Variants in KDM2B observed in about 807,000 individuals in gnomAD.
The protein encoded by KDM2B is lysine demethylase 2B.
Under a neutral mutation model 150.0 loss-of-function variants are expected in KDM2B, and 26 were observed. The ratio of observed to expected loss-of-function variants is 0.17; its 90% CI spans 0.13 to 0.24. KDM2B has a LOEUF of 0.24. KDM2B is among the 10% of genes least tolerant of loss of function. KDM2B has a pLI of 1.00. For missense variants in KDM2B, 1,265 were observed against 1,816.9 expected (o/e 0.70, Z 5.52); for synonymous variants, 734 against 729.5 (o/e 1.01, Z -0.10).
At chr12:121,451,878 C>T (rs1184635339) in intron 13 of KDM2B, among the ~76,000 whole-genome samples, 1 of 151,754 alleles carries the variant, frequency 6.6e-6, no homozygotes, top group Non-Finnish European at 1.5e-5. Flanking sequence ...CACTGCTGCA[C>T]TCCAGCCTGG....
rs1007501851 is a variant in KDM2B, at chr12:121,518,974, G to A, written c.1047+2011C>T. On this transcript the variant is annotated intron_variant, in intron 9 of 22. Transcript: ENST00000377071. The surrounding 1 kb of genome is among the most constrained non-coding windows in gnomAD (Gnocchi z 4.4). ...TGGGGCGGCTCCTCCAGACCAGGGT[G>A]GGGGCTGGCCTTCCCCAGGTGGGAT... Among the ~76,000 whole-genome samples, 10 of 152,196 alleles carry A rather than the reference G, an allele frequency of 6.6e-5. No individual in the cohort carries two copies. Among genetic ancestry groups the A allele is most frequent in the Non-Finnish European group, 2.9e-5 (2 of 68,030 alleles).
At chr12:121,451,351 T>C (rs1337431247) in intron 13 of KDM2B, among the ~76,000 whole-genome samples, 1 of 152,238 alleles carries the variant, frequency 6.6e-6, no homozygotes, top group East Asian at 1.9e-4. Flanking sequence ...GTTAATGGAC[T>C]GTTTTTGTTA....
chr12:121,426,918 C>A (rs1166038260), downstream of KDM2B, among the ~76,000 whole-genome samples: 2 of 152,070 alleles, frequency 1.3e-5, no homozygotes, highest in African/African-American at 4.8e-5. Flanking sequence ...GCCACTGCAC[C>A]CAGCCCCATG....
chr12:121,420,898 A>G, the KDM2B span: 1 of 704,844 alleles, frequency 1.4e-6, no homozygotes. Flanking sequence ...CATTTTACTG[A>G]GTATCAGTTA....
chr12:121,526,261 G>A (rs1232301049), intron 8 of KDM2B, among the ~76,000 whole-genome samples: 2 of 152,154 alleles, frequency 1.3e-5, no homozygotes, highest in African/African-American at 4.8e-5. Context: ...GCTGAGGCAG[G>A]AGAATCACTT....
intron 12 of KDM2B, among the ~76,000 whole-genome samples, chr12:121,492,698 G>A (rs1028589390): frequency 6.6e-5 from 10 of 151,168 alleles, no homozygotes; most frequent in Admixed American, 3.9e-4. Flanking sequence ...GCATGGTGGC[G>A]GGTGCCTGTA....
intron 22 of KDM2B, among the ~76,000 whole-genome samples, chr12:121,435,621 G>A (rs1040236511): frequency 1.3e-5 from 2 of 152,086 alleles, no homozygotes; most frequent in Non-Finnish European, 1.5e-5. Context: ...GGGCTCCAGT[G>A]GGCACAGAAA....
the KDM2B span, chr12:121,423,394 C>A: frequency 3.1e-6 from 5 of 1,603,506 alleles, no homozygotes; most frequent in Non-Finnish European, 4.3e-6. This position sits in a 1 kb window ranked among gnomAD's most constrained non-coding sequence, Gnocchi z 4.3. Context: ...AGATGGCGAG[C>A]GGCTGCAGCT....
chr12:121,486,904 G>A (rs180691896), intron 12 of KDM2B, among the ~76,000 whole-genome samples: 1 of 152,042 alleles, frequency 6.6e-6, no homozygotes, highest in South Asian at 2.1e-4. Flanking sequence ...GCCCAGCAGT[G>A]TGAGGCTACA....
At chr12:121,573,216 C>G (rs1891246787) in intron 4 of KDM2B, among the ~76,000 whole-genome samples, 1 of 151,792 alleles carries the variant, frequency 6.6e-6, no homozygotes, top group Admixed American at 6.6e-5. Context: ...GCCTCAGCCT[C>G]CCAAAGTGCT....
chr12:121,456,261 C>T (rs1019911748), intron 12 of KDM2B, among the ~76,000 whole-genome samples: 1 of 152,200 alleles, frequency 6.6e-6, no homozygotes, highest in Non-Finnish European at 1.5e-5. Context: ...GAAGGGCTTC[C>T]CAGCTAGTGC....
chr12:121,481,352 C>A (rs1343423535), intron 12 of KDM2B, among the ~76,000 whole-genome samples: 1 of 152,142 alleles, frequency 6.6e-6, no homozygotes, highest in African/African-American at 2.4e-5. Flanking sequence ...AAGACTCCCC[C>A]CTTCATCCTT....
chr12:121,532,654 G>C, intron 8 of KDM2B, 152 bp downstream of exon 8: 1 of 750,434 alleles, frequency 1.3e-6, no homozygotes, highest in Non-Finnish European at 2.2e-6. Context: ...AAAACTGCAC[G>C]GCTTTTCCCT....
At chr12:121,425,718 A>G (rs1555284135), downstream of KDM2B, among the ~76,000 whole-genome samples, 1 of 152,092 alleles carries the variant, frequency 6.6e-6, no homozygotes, top group African/African-American at 2.4e-5. Context: ...TTCCCTTTAG[A>G]AGCAGCATAA....
chr12:121,417,991 T>C, the KDM2B span: 2 of 1,407,278 alleles, frequency 1.4e-6, no homozygotes, highest in Non-Finnish European at 1.9e-6. The surrounding 1 kb of genome is among the most constrained non-coding windows in gnomAD (Gnocchi z 5.0). Context: ...TAGTGCTTGA[T>C]GACTTCTGAT....
intron 13 of KDM2B, among the ~76,000 whole-genome samples, chr12:121,448,580 C>A (rs1876696764): frequency 6.6e-6 from 1 of 152,146 alleles, no homozygotes; most frequent in African/African-American, 2.4e-5. Flanking sequence ...CCCAGTGCAC[C>A]TGCAGACAGA....
chr12:121,479,927 G>A (rs949080508), intron 12 of KDM2B, among the ~76,000 whole-genome samples: 26 of 151,872 alleles, frequency 1.7e-4, no homozygotes, highest in African/African-American at 4.8e-4. Flanking sequence ...CAGCTCTCTC[G>A]CTTTTAAAGA....
the KDM2B span, among the ~76,000 whole-genome samples, chr12:121,415,106 A>G: frequency 6.6e-6 from 1 of 152,042 alleles, no homozygotes; most frequent in Non-Finnish European, 1.5e-5. Flanking sequence ...CAAGAAAAAA[A>G]AGAATTTGGA....
At chr12:121,498,546 A>G (rs781981895) in intron 11 of KDM2B, among the ~76,000 whole-genome samples, 3 of 152,220 alleles carry the variant, frequency 2.0e-5, no homozygotes, top group Non-Finnish European at 4.4e-5. Flanking sequence ...ACCCACTGTG[A>G]GTGAAACATC....
Sources: allele counts gnomAD v4.1 joint callset (sites outside exome capture counted in the v4.1 genomes callset), GRCh38; gene constraint gnomAD v4.1.1; non-coding constraint Gnocchi (gnomAD v3.1); transcripts MANE v1.5; gene names NCBI Gene and HGNC (gene_info 2026-07-23, HGNC 2026-07-21).